The following KAZN variants were observed in gnomAD, a reference collection of about 807,000 sequenced individuals.
The protein encoded by KAZN is kazrin.
In KAZN, 40 loss-of-function variants were observed where a neutral mutation model predicts 87.4. The observed-to-expected ratio is 0.46, with a 90% confidence interval of 0.36 to 0.60. The LOEUF is 0.60. KAZN is among the 20% of genes least tolerant of loss of function. The pLI is 0.00. For missense variants in KAZN, 898 were observed against 1,073.9 expected, an observed-to-expected ratio of 0.84 and a Z score of 2.29; for synonymous variants, 466 against 458.3, an observed-to-expected ratio of 1.02 and a Z score of -0.22.
Position 14,402,886 on chromosome 1 carries a change from G to A in KAZN, c.250-196097G>A, listed in dbSNP as rs376455713. ...TCTGTTTCCTAGGCTGGAGTGCAGT[G>A]GCACAATCTTGGCTCATTGCAACCT... On this transcript the variant is annotated intron_variant, in intron 2 of 16. Transcript: ENST00000636203. 2.0e-5 allele frequency among the ~76,000 whole-genome samples: 3 copies of A among 151,710 alleles called. No individual in the cohort carries two copies. The East Asian group carries it at 5.8e-4, about 29-fold the overall frequency.
intron 1 of KAZN, among the ~76,000 whole-genome samples, chr1:14,680,348 C>CT (rs1424760805): frequency 6.6e-6 from 1 of 152,124 alleles, no homozygotes; most frequent in Admixed American, 6.5e-5. Flanking sequence ...AGCTATGGCT[C>CT]TGAGTTCTAT....
At chr1:14,208,733 A>T (rs1164330862) in intron 2 of KAZN, among the ~76,000 whole-genome samples, 1 of 152,304 alleles carries the variant, frequency 6.6e-6, no homozygotes, top group East Asian at 1.9e-4. Flanking sequence ...CTGATGGTAA[A>T]ATAAAGGGTA....
intron 1 of KAZN, among the ~76,000 whole-genome samples, chr1:14,720,007 A>G (rs561381448): frequency 1.4e-4 from 22 of 152,316 alleles, no homozygotes; most frequent in African/African-American, 5.3e-4. Context: ...ACAGGAGGGC[A>G]GCAAGCTAAC....
chr1:14,644,356 T>C (rs1262091910), intron 1 of KAZN, among the ~76,000 whole-genome samples: 1 of 121,698 alleles, frequency 8.2e-6, no homozygotes, highest in African/African-American at 3.6e-5. Flanking sequence ...TGTAAATTTG[T>C]TTTTTTTTTT....
intron 1 of KAZN, among the ~76,000 whole-genome samples, chr1:13,984,019 A>ATT (rs35607110): frequency 4.0e-5 from 6 of 148,992 alleles, no homozygotes; most frequent in South Asian, 2.1e-4. Flanking sequence ...TTTATTTTCT[A>ATT]TTTTTTTTTT....
intron 1 of KAZN, among the ~76,000 whole-genome samples, chr1:14,042,185 T>G (rs1388378798): frequency 6.6e-6 from 1 of 152,174 alleles, no homozygotes; most frequent in Non-Finnish European, 1.5e-5. Context: ...TCTCTTCAGT[T>G]TTTTTTCCCT....
At chr1:14,285,648 A>T (rs1653188380) in intron 2 of KAZN, among the ~76,000 whole-genome samples, 1 of 152,056 alleles carries the variant, frequency 6.6e-6, no homozygotes, top group Non-Finnish European at 1.5e-5. Context: ...GATGTGACCC[A>T]CTCAGTTGCA....
intron 1 of KAZN, among the ~76,000 whole-genome samples, chr1:14,858,214 C>CTTTT (rs71000342): frequency 3.4e-5 from 4 of 117,030 alleles, no homozygotes; most frequent in African/African-American, 1.0e-4. Flanking sequence ...TTTTTCTTTT[C>CTTTT]TTTTTTTTTT....
At chr1:14,697,734 C>T (rs1214341993) in intron 1 of KAZN, among the ~76,000 whole-genome samples, 1 of 152,244 alleles carries the variant, frequency 6.6e-6, no homozygotes, top group Non-Finnish European at 1.5e-5. Context: ...AAAGGGAAGA[C>T]CTGCTCTTAA....
At chr1:14,363,477 A>G (rs1337039942) in intron 2 of KAZN, among the ~76,000 whole-genome samples, 1 of 152,168 alleles carries the variant, frequency 6.6e-6, no homozygotes, top group Non-Finnish European at 1.5e-5. Context: ...CATTTGTTAC[A>G]TGGGAGGAAC....
chr1:14,668,881 T>TTA (rs1318290534), intron 1 of KAZN, among the ~76,000 whole-genome samples: 1 of 152,168 alleles, frequency 6.6e-6, no homozygotes, highest in Non-Finnish European at 1.5e-5. Flanking sequence ...CTGCAATATG[T>TTA]TATATATTGA....
intron 1 of KAZN, among the ~76,000 whole-genome samples, chr1:13,979,894 G>A (rs550818189): frequency 7.1e-6 from 1 of 139,944 alleles, no homozygotes; most frequent in East Asian, 2.1e-4. Flanking sequence ...TCGTGCCACT[G>A]CACTCCAGCC....
chr1:13,978,930 G>C (rs1445194316), intron 1 of KAZN, among the ~76,000 whole-genome samples: 2 of 151,562 alleles, frequency 1.3e-5, no homozygotes, highest in Non-Finnish European at 2.9e-5. Context: ...GGGAGACCCT[G>C]TATCTACAAA....
intron 2 of KAZN, among the ~76,000 whole-genome samples, chr1:14,439,533 A>G (rs2101439787): frequency 6.6e-6 from 1 of 152,278 alleles, no homozygotes; most frequent in South Asian, 2.1e-4. Context: ...TTTGCTGTTC[A>G]CTTAGAACTT....
chr1:14,817,376 T>G (rs1646599126), intron 1 of KAZN, among the ~76,000 whole-genome samples: 1 of 152,218 alleles, frequency 6.6e-6, no homozygotes, highest in African/African-American at 2.4e-5. Flanking sequence ...CCTGTTGAGC[T>G]GGACTACATA....
chr1:14,053,715 GAATACAGCTTTCCCTTGAAC>G (rs1377833282), intron 1 of KAZN, among the ~76,000 whole-genome samples: 7 of 152,138 alleles, frequency 4.6e-5, no homozygotes, highest in Non-Finnish European at 1.0e-4. Context: ...GTATACAGAC[GAATACAGCTTTCCCTTGAAC>G]AATGCAGGGA....
chr1:14,248,126 C>T (rs1474958331), intron 2 of KAZN, among the ~76,000 whole-genome samples: 3 of 152,178 alleles, frequency 2.0e-5, no homozygotes, highest in African/African-American at 7.2e-5. Flanking sequence ...TAGATGCTCC[C>T]GGGTTCATTA....
At chr1:14,430,103 A>G (rs1161361173) in intron 2 of KAZN, among the ~76,000 whole-genome samples, 1 of 151,240 alleles carries the variant, frequency 6.6e-6, no homozygotes, top group African/African-American at 2.4e-5. Flanking sequence ...AAACGACCGC[A>G]TGGCTTACTT....
At chr1:14,587,764 C>A (rs1483550115) in intron 2 of KAZN, among the ~76,000 whole-genome samples, 2 of 152,136 alleles carry the variant, frequency 1.3e-5, no homozygotes, top group East Asian at 1.9e-4. Context: ...TCCCACCAGG[C>A]CCCACCTTCA....
Sources: allele counts gnomAD v4.1 joint callset (sites outside exome capture counted in the v4.1 genomes callset), GRCh38; gene constraint gnomAD v4.1.1; transcripts MANE v1.5; gene names NCBI Gene and HGNC (gene_info 2026-07-23, HGNC 2026-07-21).